GRIK1: variants seen among roughly 807,000 people sequenced by gnomAD.
The protein encoded by GRIK1 is glutamate receptor ionotropic, kainate 1.
Under a neutral mutation model 105.7 loss-of-function variants are expected in GRIK1, and 69 were observed. The observed-to-expected ratio is 0.65, with a 90% confidence interval of 0.54 to 0.80. The LOEUF (loss-of-function observed/expected upper bound fraction) is 0.80. Among genes scored for constraint, GRIK1 ranks in the 30% least tolerant of loss-of-function variants. The probability of loss-of-function intolerance (pLI) is 0.00; values close to 1 mark genes in which losing one functional copy is unlikely to be tolerated. For synonymous variants in GRIK1, 438 were observed against 431.3 expected (o/e 1.02, Z -0.19); for missense variants, 1,109 against 1,167.3 (o/e 0.95, Z 0.73).
chr21:29,589,618 G>A (rs539916571), intron 10 of GRIK1, among the ~76,000 whole-genome samples: 19 of 151,904 alleles, frequency 1.3e-4, no homozygotes, highest in African/African-American at 4.6e-4. Context: ...GTAGAGACGG[G>A]GTTTCACCAT....
intron 1 of GRIK1, among the ~76,000 whole-genome samples, chr21:29,893,562 T>C (rs747384921): frequency 2.0e-4 from 30 of 152,196 alleles, no homozygotes; most frequent in Non-Finnish European, 3.5e-4. Context: ...AGAAAATATA[T>C]TTGTATGTTT....
intron 14 of GRIK1, among the ~76,000 whole-genome samples, chr21:29,574,003 T>A (rs900715893): frequency 6.6e-6 from 1 of 152,230 alleles, no homozygotes; most frequent in Admixed American, 6.5e-5. Context: ...CTTGACCTCA[T>A]GGCATGGGTT....
rs116348073 is a variant in GRIK1 at position 29,866,687 on chromosome 21, G to A, written c.118+72696C>T. Among the ~76,000 whole-genome samples the A allele has an allele frequency of 2.4e-3, 370 of 152,168 alleles. 2 individuals are homozygous for A. Among genetic ancestry groups the A allele is most frequent in the African/African-American group, 4.0e-3 (164 of 41,518 alleles). On this transcript the variant is annotated intron_variant, in intron 1 of 17. Coordinates refer to ENST00000327783, the MANE Select transcript of GRIK1 (RefSeq NM_001330994.2). ...TGAGCAAGTACAAAATAATGAAGACGTCAAAGATTACGGCATGTCATTAAA... is the reference window on the plus strand; with the variant it reads ...TGAGCAAGTACAAAATAATGAAGACATCAAAGATTACGGCATGTCATTAAA...
Position 29,766,481 on chromosome 21 carries a change from C to A in GRIK1, c.119-72418G>T, listed in dbSNP as rs181428399. Among the ~76,000 whole-genome samples, 13 of 152,184 alleles carry A rather than the reference C, an allele frequency of 8.5e-5. No homozygotes were observed. In the East Asian group the frequency reaches 2.5e-3, roughly 29 times the overall value. On this transcript the variant is annotated intron_variant, in intron 1 of 17. Coordinates refer to ENST00000327783, the MANE Select transcript of GRIK1 (RefSeq NM_001330994.2). The stretch of plus-strand genomic sequence containing the variant: ...GAATCCTGAGATAGAGGTCTGACTC[C>A]CATCTCTTCAAGCCAGAAAATACAT...
intron 1 of GRIK1, among the ~76,000 whole-genome samples, chr21:29,775,493 C>G (rs1048472022): frequency 3.3e-5 from 5 of 152,132 alleles, no homozygotes; most frequent in African/African-American, 1.2e-4. Context: ...CCAGCCTGGA[C>G]AGGCTTCTGC....
chr21:29,705,106 C>T (rs1169099395), intron 1 of GRIK1, among the ~76,000 whole-genome samples: 2 of 152,182 alleles, frequency 1.3e-5, no homozygotes, highest in Non-Finnish European at 2.9e-5. Flanking sequence ...TGTGTTGCAT[C>T]CCAATTTTCT....
intron 1 of GRIK1, among the ~76,000 whole-genome samples, chr21:29,710,179 ACTATT>A (rs2064010267): frequency 6.6e-6 from 1 of 152,054 alleles, no homozygotes; most frequent in East Asian, 1.9e-4. Flanking sequence ...TCATATGAAT[ACTATT>A]CTTTATATTA....
In GRIK1 at chr21:29,693,879, A is replaced by G; in HGVS notation, c.286+17T>C. 3 of 1,594,910 alleles carry G rather than the reference A, an allele frequency of 1.9e-6. No homozygotes were observed. The highest frequency in any genetic ancestry group is 2.6e-6 in the Non-Finnish European group (3 of 1,164,858). ...CATATCACCCAAAGAAGCTTTTAAA[A>G]GTGGGAAAATAGTTACCTCTCCGCG... On this transcript the variant is annotated intron_variant, in intron 2 of 17. Transcript: ENST00000327783.
intron 16 of GRIK1, among the ~76,000 whole-genome samples, chr21:29,545,742 C>T (rs988522945): frequency 3.9e-5 from 6 of 152,146 alleles, no homozygotes; most frequent in East Asian, 1.9e-4. Flanking sequence ...GCATAGTTTT[C>T]GGGGTACCAG....
intron 4 of GRIK1, among the ~76,000 whole-genome samples, chr21:29,661,582 C>T (rs1009551613): frequency 6.6e-6 from 1 of 152,114 alleles, no homozygotes; most frequent in African/African-American, 2.4e-5. Flanking sequence ...CCAGAAGTTT[C>T]CAAAAGGAAA....
intron 14 of GRIK1, among the ~76,000 whole-genome samples, chr21:29,568,400 A>G (rs1038694124): frequency 2.6e-5 from 4 of 152,216 alleles, no homozygotes; most frequent in Non-Finnish European, 5.9e-5. Flanking sequence ...AGTGCCCAGT[A>G]ACTTCTCTGA....
intron 1 of GRIK1, among the ~76,000 whole-genome samples, chr21:29,837,651 C>T (rs2067845569): frequency 6.6e-6 from 1 of 152,042 alleles, no homozygotes; most frequent in Non-Finnish European, 1.5e-5. Context: ...ATATTTAAAT[C>T]TAAATATTTT....
At chr21:29,914,942 T>C (rs1324830422) in intron 1 of GRIK1, among the ~76,000 whole-genome samples, 1 of 152,078 alleles carries the variant, frequency 6.6e-6, no homozygotes, top group African/African-American at 2.4e-5. Context: ...TAAATCCCTA[T>C]TGTTAAGCCA....
chr21:29,594,618 A>G (rs2061377833), intron 9 of GRIK1, among the ~76,000 whole-genome samples: 1 of 152,216 alleles, frequency 6.6e-6, no homozygotes, highest in Non-Finnish European at 1.5e-5. Flanking sequence ...ACAACTGAGA[A>G]AAGCATTTGA....
intron 1 of GRIK1, among the ~76,000 whole-genome samples, chr21:29,928,640 G>T (rs2071463780): frequency 6.6e-6 from 1 of 152,200 alleles, no homozygotes; most frequent in Non-Finnish European, 1.5e-5. Context: ...CCCCAAAGAG[G>T]CGCTGGGTAA....
chr21:29,710,564 T>C (rs1324821419), intron 1 of GRIK1, among the ~76,000 whole-genome samples: 1 of 152,142 alleles, frequency 6.6e-6, no homozygotes, highest in African/African-American at 2.4e-5. Flanking sequence ...AAGAATTTGT[T>C]TTAGACTGTT....
intron 1 of GRIK1, among the ~76,000 whole-genome samples, chr21:29,722,173 C>T (rs1031885841): frequency 6.6e-6 from 1 of 152,108 alleles, no homozygotes; most frequent in Non-Finnish European, 1.5e-5. Context: ...GTGGTCCTCA[C>T]TGATAATGGA....
At chr21:29,599,015 C>A (rs1028616889) in intron 7 of GRIK1, 78 bp from the exon 8 acceptor site, 10 of 680,866 alleles carry the variant, frequency 1.5e-5, no homozygotes, top group Non-Finnish European at 2.6e-5. Context: ...TATAATACCT[C>A]AAATTCATCA....
At chr21:29,789,044 T>C (rs976508060) in intron 1 of GRIK1, among the ~76,000 whole-genome samples, 1 of 152,238 alleles carries the variant, frequency 6.6e-6, no homozygotes, top group Admixed American at 6.5e-5. Context: ...ATGGGTTTAC[T>C]TCAAATGAAC....
Sources: gnomAD v4.1 joint callset for allele counts (sites outside exome capture counted in the v4.1 genomes callset) on GRCh38, gnomAD v4.1.1 for gene constraint, MANE v1.5 for transcripts, NCBI Gene and HGNC (gene_info 2026-07-23, HGNC 2026-07-21) for gene names.